The following PIP5K1B variants were observed in gnomAD, a reference collection of about 807,000 sequenced individuals.
PIP5K1B encodes phosphatidylinositol 4-phosphate 5-kinase type-1 beta.
In PIP5K1B, 42 loss-of-function variants were observed where a neutral mutation model predicts 67.0. The ratio of observed to expected loss-of-function variants is 0.63; its 90% CI spans 0.49 to 0.81. The LOEUF is 0.81. Ranked by LOEUF, PIP5K1B falls within the 30% of genes least tolerant of loss-of-function variation. The pLI is 0.00. For synonymous variants in PIP5K1B, 214 were observed against 231.4 expected, an observed-to-expected ratio of 0.92 and a Z score of 0.68; for missense variants, 459 against 646.3, an observed-to-expected ratio of 0.71 and a Z score of 3.14.
At chr9:68,740,143 C>T (rs1247217753) in intron 1 of PIP5K1B, among the ~76,000 whole-genome samples, 3 of 152,154 alleles carry the variant, frequency 2.0e-5, no homozygotes, top group Non-Finnish European at 4.4e-5. Context: ...TTCTGTGTGG[C>T]CCAAGGCTCT....
chr9:68,946,540 G>A (rs764558266), intron 14 of PIP5K1B, among the ~76,000 whole-genome samples: 130 of 151,972 alleles, frequency 8.6e-4, no homozygotes, highest in Middle Eastern at 6.8e-3. Flanking sequence ...CTACAGGTGC[G>A]TGCCACCACG....
intron 4 of PIP5K1B, among the ~76,000 whole-genome samples, chr9:68,825,513 G>A (rs1431957216): frequency 6.6e-6 from 1 of 152,158 alleles, no homozygotes; most frequent in Non-Finnish European, 1.5e-5. Context: ...GTGTTGTCAA[G>A]GCCACCATAC....
intron 14 of PIP5K1B, among the ~76,000 whole-genome samples, chr9:68,955,121 G>A (rs1053938473): frequency 2.0e-5 from 3 of 152,204 alleles, no homozygotes; most frequent in Non-Finnish European, 2.9e-5. Context: ...TGCAGTAAAG[G>A]AAGAGTGCTA....
intron 4 of PIP5K1B, among the ~76,000 whole-genome samples, chr9:68,839,488 T>TA (rs1821798503): frequency 6.6e-6 from 1 of 152,114 alleles, no homozygotes; most frequent in African/African-American, 2.4e-5. Flanking sequence ...ATCTTGCATA[T>TA]TTTCCCACCC....
In PIP5K1B at chr9:68,811,155, C is replaced by T. The variant is rs142255338; in HGVS notation, c.-85-7306C>T. Reference sequence around the variant, plus strand: ...TCTTAACGGATTCCCAGAGCTATAACAATAGAAACGTGTGTACCAGTTCCT... The same window carrying T: ...TCTTAACGGATTCCCAGAGCTATAATAATAGAAACGTGTGTACCAGTTCCT... On this transcript the variant is annotated intron_variant, in intron 2 of 15. Transcript: ENST00000265382. Among the ~76,000 whole-genome samples the T allele has an allele frequency of 3.4e-4, 52 of 152,320 alleles. 1 individual carries two copies. The highest frequency in any genetic ancestry group is 1.2e-3 in the South Asian group (6 of 4,822).
intron 14 of PIP5K1B, among the ~76,000 whole-genome samples, chr9:68,979,924 C>T (rs1334453367): frequency 6.6e-6 from 1 of 152,198 alleles, no homozygotes; most frequent in Non-Finnish European, 1.5e-5. Context: ...AAGGCAGAAA[C>T]AAGCAGATCT....
chr9:68,846,603 A>C (rs1455338766), intron 4 of PIP5K1B, among the ~76,000 whole-genome samples: 1 of 152,192 alleles, frequency 6.6e-6, no homozygotes, highest in African/African-American at 2.4e-5. Flanking sequence ...GTCAGTCTAT[A>C]AAATCACTGC....
chr9:68,803,096 T>C (rs1048332551), intron 2 of PIP5K1B, among the ~76,000 whole-genome samples: 2 of 152,172 alleles, frequency 1.3e-5, no homozygotes, highest in African/African-American at 4.8e-5. Context: ...AAGAGCTTAA[T>C]TGATAGGTTG....
intron 2 of PIP5K1B, among the ~76,000 whole-genome samples, chr9:68,795,257 A>G (rs189506410): frequency 1.3e-5 from 2 of 152,072 alleles, no homozygotes. Context: ...GTGACTTCCA[A>G]GCTTTCTGAT....
At chr9:68,799,318 T>C (rs1351175941) in intron 2 of PIP5K1B, among the ~76,000 whole-genome samples, 1 of 152,242 alleles carries the variant, frequency 6.6e-6, no homozygotes, top group Non-Finnish European at 1.5e-5. Context: ...ACAACAGTTG[T>C]GCAAAAGAAT....
At chr9:68,942,580 G>A (rs904417385) in intron 14 of PIP5K1B, among the ~76,000 whole-genome samples, 3 of 151,994 alleles carry the variant, frequency 2.0e-5, no homozygotes, top group Admixed American at 6.6e-5. Flanking sequence ...ACTCCCAATC[G>A]TTCCTGGCCA....
chr9:68,801,838 A>G (rs1347832284), intron 2 of PIP5K1B, among the ~76,000 whole-genome samples: 3 of 152,228 alleles, frequency 2.0e-5, no homozygotes, highest in Admixed American at 6.5e-5. Context: ...TTCTGATGGA[A>G]TGAATGATGG....
intron 2 of PIP5K1B, among the ~76,000 whole-genome samples, chr9:68,763,880 A>G (rs1245531613): frequency 6.6e-6 from 1 of 152,062 alleles, no homozygotes. Flanking sequence ...GAGGATGAGG[A>G]GAGTCAGAGT....
chr9:68,768,539 T>C (rs1018530015), intron 2 of PIP5K1B, among the ~76,000 whole-genome samples: 1 of 152,192 alleles, frequency 6.6e-6, no homozygotes, highest in African/African-American at 2.4e-5. Context: ...GAGAGAAGAA[T>C]GGGTTGTCAG....
At chr9:68,867,185 A>AT (rs35757034) in intron 5 of PIP5K1B, among the ~76,000 whole-genome samples, 13,784 of 151,272 alleles carry the variant, frequency 0.091, 818 homozygotes, top group Non-Finnish European at 0.14. Context: ...CATTTGATGC[A>AT]TTTTTTTTTT....
At chr9:68,737,414 A>T (rs1242434795) in intron 1 of PIP5K1B, among the ~76,000 whole-genome samples, 1 of 152,246 alleles carries the variant, frequency 6.6e-6, no homozygotes, top group Admixed American at 6.5e-5. Context: ...TAAGGCTAGC[A>T]TGAATAGATG....
chr9:68,889,111 A>G lies in PIP5K1B; in HGVS notation c.449A>G (p.Lys150Arg). ...VQHKEAEFLQ[K>R]LLPGYYMNLN... is the part of the protein sequence containing the mutation. ...CACAAAGAAGCTGAGTTTCTTCAGA[A>G]GCTACTGCCAGGCTATTACATGGTA... Residue 150 changes from lysine to arginine, a missense_variant, in exon 7 of 16, where the codon AAG (lysine) becomes AGG (arginine). Transcript: ENST00000265382. 1 of 1,613,492 alleles carries G rather than the reference A, an allele frequency of 6.2e-7. No homozygotes were observed. The highest frequency in any genetic ancestry group is 8.5e-7 in the Non-Finnish European group (1 of 1,179,446).
intron 5 of PIP5K1B, among the ~76,000 whole-genome samples, chr9:68,871,818 C>T (rs1823639508): frequency 6.6e-6 from 1 of 151,958 alleles, no homozygotes; most frequent in South Asian, 2.1e-4. Context: ...CCCATGGGAT[C>T]CAAGCATCTA....
chr9:68,798,490 A>G (rs1183553897), intron 2 of PIP5K1B, among the ~76,000 whole-genome samples: 1 of 152,184 alleles, frequency 6.6e-6, no homozygotes, highest in Non-Finnish European at 1.5e-5. Flanking sequence ...GAAATAAACA[A>G]TGGGCTGAGA....
Sources: gnomAD v4.1 joint callset for allele counts (sites outside exome capture counted in the v4.1 genomes callset) on GRCh38, gnomAD v4.1.1 for gene constraint, MANE v1.5 for transcripts, NCBI Gene and HGNC (gene_info 2026-07-23, HGNC 2026-07-21) for gene names.